Variants in ZBTB38 observed in about 807,000 individuals in gnomAD.
ZBTB38 encodes the protein zinc finger and BTB domain-containing protein 38.
In ZBTB38, 20 loss-of-function variants were observed where a neutral mutation model predicts 76.8. That is an observed-to-expected ratio of 0.26 (90% CI 0.18 to 0.38). The LOEUF (loss-of-function observed/expected upper bound fraction) is 0.38, where lower values mean the gene tolerates loss of function less well. ZBTB38 is among the 10% of genes least tolerant of loss of function. The pLI is 1.00. For missense variants in ZBTB38, 1,082 were observed against 1,482.3 expected, an observed-to-expected ratio of 0.73 and a Z score of 4.43; for synonymous variants, 504 against 544.2, an observed-to-expected ratio of 0.93 and a Z score of 1.03.
At chr3:141,397,816 A>C (rs556425213) in intron 4 of ZBTB38, among the ~76,000 whole-genome samples, 1 of 152,230 alleles carries the variant, frequency 6.6e-6, no homozygotes, top group African/African-American at 2.4e-5. Flanking sequence ...CAAAGCAATT[A>C]CAATAGTACC....
chr3:141,369,708 G>A (rs747473389), intron 1 of ZBTB38, among the ~76,000 whole-genome samples, 164 bp from the exon 2 acceptor site: 5 of 152,166 alleles, frequency 3.3e-5, no homozygotes, highest in African/African-American at 9.7e-5. Context: ...GCGGGGAGGC[G>A]TAAGTCTCAT....
chr3:141,356,166 G>A (rs919629411), intron 1 of ZBTB38, among the ~76,000 whole-genome samples: 1 of 152,110 alleles, frequency 6.6e-6, no homozygotes, highest in Non-Finnish European at 1.5e-5. Context: ...TCTGAAAGAG[G>A]AGCCATGGAA....
rs371333075 is a variant in ZBTB38 at position 141,442,901 on chromosome 3, C to T, written c.513C>T (p.Ile171=). The change falls in exon 6 of 6, where the codon ATC becomes ATT. Residue 171 remains isoleucine (I), a synonymous_variant. Transcript: ENST00000321464. This position sits in a 1 kb window ranked among gnomAD's most constrained non-coding sequence, Gnocchi z 6.4. ...GPRITNAFSI[I]ETENSNNMFS... is the part of the protein sequence containing the mutation. ...GGATCACAAATGCATTTTCCATCATCGAAACAGAAAATAGTAATAACATGT... is the reference window on the plus strand; with the variant it reads ...GGATCACAAATGCATTTTCCATCATTGAAACAGAAAATAGTAATAACATGT... The T allele has an allele frequency of 2.1e-5, 34 of 1,614,098 alleles. No homozygotes were observed. In the African/African-American group the frequency reaches 3.5e-4, roughly 16 times the overall value.
chr3:141,430,394 A>G (rs1029925995), intron 5 of ZBTB38, among the ~76,000 whole-genome samples: 1 of 152,138 alleles, frequency 6.6e-6, no homozygotes, highest in Admixed American at 6.5e-5. Flanking sequence ...AGATCACCCT[A>G]CATACTGGAT....
chr3:141,439,055 G>A (rs1302553708), intron 5 of ZBTB38, among the ~76,000 whole-genome samples: 3 of 151,658 alleles, frequency 2.0e-5, no homozygotes, highest in African/African-American at 7.3e-5. Context: ...AGTAATCCAG[G>A]GCCTCTGTAA....
chr3:141,336,987 G>A (rs574191019), intron 1 of ZBTB38, among the ~76,000 whole-genome samples: 156 of 152,328 alleles, frequency 1.0e-3, no homozygotes, highest in Middle Eastern at 3.4e-3. Context: ...TAAAAAAATA[G>A]TTTCTAATTA....
intron 1 of ZBTB38, among the ~76,000 whole-genome samples, chr3:141,362,585 C>G (rs1039646105): frequency 6.6e-6 from 1 of 152,170 alleles, no homozygotes; most frequent in Non-Finnish European, 1.5e-5. Flanking sequence ...TCTCTTCCTG[C>G]CCACTAACAA....
intron 4 of ZBTB38, among the ~76,000 whole-genome samples, chr3:141,395,419 C>T (rs1950136650): frequency 6.6e-6 from 1 of 152,166 alleles, no homozygotes; most frequent in South Asian, 2.1e-4. Context: ...GTGAGTGACT[C>T]CATTTTGGTT....
intron 1 of ZBTB38, among the ~76,000 whole-genome samples, chr3:141,325,682 G>A (rs1942652433): frequency 6.6e-6 from 1 of 152,208 alleles, no homozygotes; most frequent in Admixed American, 6.5e-5. Flanking sequence ...TGCAAAGATT[G>A]CATTAGTGAA....
chr3:141,416,284 T>C (rs11919595), intron 5 of ZBTB38, among the ~76,000 whole-genome samples: 28,939 of 152,198 alleles, frequency 0.19, 5,785 homozygotes, highest in African/African-American at 0.5. Flanking sequence ...CCTTCCAAGT[T>C]CTTGCCTACA....
At chr3:141,373,208 G>T (rs4683603) in intron 2 of ZBTB38, among the ~76,000 whole-genome samples, 75,642 of 152,166 alleles carry the variant, frequency 0.5, 21,408 homozygotes, top group African/African-American at 0.78. Context: ...AGCATCAAAG[G>T]AGACAGCCTG....
chr3:141,328,495 C>A (rs1942745274), intron 1 of ZBTB38, among the ~76,000 whole-genome samples: 1 of 152,218 alleles, frequency 6.6e-6, no homozygotes, highest in African/African-American at 2.4e-5. Context: ...TCTTGTCCAT[C>A]CCAGAAATCC....
At chr3:141,338,920 C>G (rs1227184137) in intron 1 of ZBTB38, among the ~76,000 whole-genome samples, 1 of 151,938 alleles carries the variant, frequency 6.6e-6, no homozygotes, top group East Asian at 2.0e-4. Context: ...TTTTAGGGAA[C>G]ATTAAGTACT....
intron 2 of ZBTB38, among the ~76,000 whole-genome samples, chr3:141,376,454 C>G (rs542363633): frequency 6.6e-6 from 1 of 152,206 alleles, no homozygotes; most frequent in Admixed American, 6.5e-5. Flanking sequence ...GATCACTACT[C>G]TCCTGATTCT....
chr3:141,334,679 C>G (rs2148890050), intron 1 of ZBTB38, among the ~76,000 whole-genome samples: 1 of 152,144 alleles, frequency 6.6e-6, no homozygotes, highest in Middle Eastern at 3.4e-3. Flanking sequence ...TCTGCAGTGC[C>G]TCTCCCTATA....
chr3:141,332,443 C>CCTGGCA (rs1353250709), intron 1 of ZBTB38, among the ~76,000 whole-genome samples: 1 of 152,208 alleles, frequency 6.6e-6, no homozygotes, highest in Non-Finnish European at 1.5e-5. Context: ...TACTCTAGCA[C>CCTGGCA]CTGGCAACTC....
At chr3:141,389,775 A>G (rs551325441) in intron 4 of ZBTB38, 1 of 152,334 alleles carries the variant, frequency 6.6e-6, no homozygotes, top group African/African-American at 2.4e-5. Context: ...ACCTATTTGA[A>G]TCTTAATTAC....
intron 5 of ZBTB38, chr3:141,432,061 G>A (rs1398427561): frequency 2.0e-6 from 2 of 985,092 alleles, no homozygotes; most frequent in Non-Finnish European, 2.4e-6. Flanking sequence ...CACCCAACAT[G>A]ACTTTGAGAA....
At chr3:141,403,202 C>T (rs951122007) in intron 4 of ZBTB38, 1 of 152,184 alleles carries the variant, frequency 6.6e-6, no homozygotes, top group African/African-American at 2.4e-5. Flanking sequence ...AGTATCCCTT[C>T]TAAGGATCGA....
Sources: allele counts gnomAD v4.1 joint callset (sites outside exome capture counted in the v4.1 genomes callset), GRCh38; gene constraint gnomAD v4.1.1; non-coding constraint Gnocchi (gnomAD v3.1); transcripts MANE v1.5; gene names NCBI Gene and HGNC (gene_info 2026-07-23, HGNC 2026-07-21).